The following SLC35F3 variants were observed in gnomAD, a reference collection of about 807,000 sequenced individuals.
The protein encoded by SLC35F3 is solute carrier family 35 member F3, also known as putative thiamine transporter SLC35F3.
Under a neutral mutation model 49.9 loss-of-function variants are expected in SLC35F3, and 25 were observed. That is an observed-to-expected ratio of 0.50 (90% CI 0.37 to 0.70). The LOEUF is 0.70. Ranked by LOEUF, SLC35F3 falls within the 30% of genes least tolerant of loss-of-function variation. The pLI is 0.00. For synonymous variants in SLC35F3, 275 were observed against 265.4 expected (o/e 1.04, Z -0.35); for missense variants, 525 against 639.8 (o/e 0.82, Z 1.94).
chr1:234,264,902 T>G (rs534837519), intron 3 of SLC35F3, among the ~76,000 whole-genome samples: 1 of 152,350 alleles, frequency 6.6e-6, no homozygotes, highest in Non-Finnish European at 1.5e-5. Context: ...ATTGTTTACC[T>G]GGGACACTGA....
chr1:234,074,192 T>A (rs1057337986), intron 2 of SLC35F3, among the ~76,000 whole-genome samples: 2 of 152,178 alleles, frequency 1.3e-5, no homozygotes, highest in Non-Finnish European at 2.9e-5. Flanking sequence ...AAAATGTACG[T>A]CAAGGTCACG....
At chr1:234,300,782 G>A (rs1322327133) in intron 3 of SLC35F3, among the ~76,000 whole-genome samples, 2 of 152,246 alleles carry the variant, frequency 1.3e-5, no homozygotes, top group Non-Finnish European at 2.9e-5. Context: ...ATCTCTCTGA[G>A]TGTAGTGTGG....
chr1:233,926,127 C>T (rs528221324), intron 2 of SLC35F3, among the ~76,000 whole-genome samples: 4 of 152,158 alleles, frequency 2.6e-5, no homozygotes, highest in African/African-American at 9.6e-5. Flanking sequence ...TTGCTCTTCT[C>T]GAGGAGTATC....
chr1:234,305,235 G>A lies in SLC35F3; in HGVS notation c.609-3866G>A, dbSNP rs186240070. On this transcript the variant is annotated intron_variant, in intron 3 of 7. Transcript: ENST00000366618. ...AAGTCAAGACAGGCTATCCCAGCTA[G>A]GATTCTTTAAAGAGTACTAAGAACA... Among the ~76,000 whole-genome samples the A allele has an allele frequency of 8.5e-5, 13 of 152,218 alleles. No individual in the cohort carries two copies. In the East Asian group the frequency reaches 2.5e-3, roughly 29 times the overall value.
intron 2 of SLC35F3, among the ~76,000 whole-genome samples, chr1:234,158,489 C>T (rs1666183307): frequency 6.6e-6 from 1 of 152,016 alleles, no homozygotes; most frequent in Non-Finnish European, 1.5e-5. Flanking sequence ...TACTTTCTGC[C>T]ACATATTTTT....
chr1:234,070,283 G>A (rs1481191852), intron 2 of SLC35F3, among the ~76,000 whole-genome samples: 1 of 152,150 alleles, frequency 6.6e-6, no homozygotes, highest in Non-Finnish European at 1.5e-5. Context: ...TCTAGTGGGT[G>A]AATATGATGA....
intron 2 of SLC35F3, among the ~76,000 whole-genome samples, chr1:234,205,172 T>C (rs570442052): frequency 1.2e-4 from 19 of 152,340 alleles, no homozygotes; most frequent in African/African-American, 4.6e-4. Flanking sequence ...GTGCAAAATT[T>C]TCACTCCCAT....
At chr1:234,097,554 G>A (rs997161859) in intron 2 of SLC35F3, among the ~76,000 whole-genome samples, 6 of 151,984 alleles carry the variant, frequency 3.9e-5, no homozygotes, top group Non-Finnish European at 7.4e-5. Flanking sequence ...GCACACACAC[G>A]CACACACGCA....
At chr1:233,966,148 C>T (rs764313982) in intron 2 of SLC35F3, among the ~76,000 whole-genome samples, 1 of 152,046 alleles carries the variant, frequency 6.6e-6, no homozygotes, top group Non-Finnish European at 1.5e-5. Flanking sequence ...AGGTTGTTAG[C>T]AGCCAGCAGA....
At chr1:234,181,064 G>A (rs914717203) in intron 2 of SLC35F3, among the ~76,000 whole-genome samples, 13 of 152,032 alleles carry the variant, frequency 8.6e-5, no homozygotes, top group Admixed American at 3.9e-4. Flanking sequence ...GGCCAGGCGC[G>A]GTGGCTGGAT....
intron 2 of SLC35F3, among the ~76,000 whole-genome samples, chr1:234,108,731 ATATATCTTTTATATATAAAAGATATATAT>A (rs1216002898): frequency 2.2e-5 from 1 of 45,200 alleles, no homozygotes; most frequent in Non-Finnish European, 4.4e-5. Context: ...ATATAAATAT[ATATATCTTTTATATATAAAAGATATATAT>A]AAATATATAT....
At chr1:234,142,759 A>G (rs1665937371) in intron 2 of SLC35F3, among the ~76,000 whole-genome samples, 1 of 152,008 alleles carries the variant, frequency 6.6e-6, no homozygotes, top group South Asian at 2.1e-4. Flanking sequence ...CCCTTTTCCC[A>G]TAGAGTTGGT....
At chr1:234,124,004 A>G (rs1291441987) in intron 2 of SLC35F3, among the ~76,000 whole-genome samples, 1 of 152,188 alleles carries the variant, frequency 6.6e-6, no homozygotes, top group East Asian at 1.9e-4. Flanking sequence ...TATCTCAGAC[A>G]CACTCTCTGA....
At chr1:234,033,855 A>G (rs887204915) in intron 2 of SLC35F3, among the ~76,000 whole-genome samples, 1 of 152,190 alleles carries the variant, frequency 6.6e-6, no homozygotes, top group Non-Finnish European at 1.5e-5. Context: ...TTTTGGTTCC[A>G]TATGAACTTT....
intron 2 of SLC35F3, among the ~76,000 whole-genome samples, chr1:234,051,077 C>T (rs1431653966): frequency 2.0e-5 from 3 of 152,170 alleles, no homozygotes; most frequent in Non-Finnish European, 4.4e-5. Context: ...AGCGTGATGC[C>T]TCCAGGTTTG....
intron 2 of SLC35F3, among the ~76,000 whole-genome samples, chr1:234,223,779 A>T (rs1667243918): frequency 6.6e-6 from 1 of 152,132 alleles, no homozygotes; most frequent in African/African-American, 2.4e-5. Flanking sequence ...CCATAACAAC[A>T]TATCATAGCT....
intron 3 of SLC35F3, among the ~76,000 whole-genome samples, chr1:234,271,133 G>C (rs1393713527): frequency 6.6e-6 from 1 of 152,144 alleles, no homozygotes; most frequent in African/African-American, 2.4e-5. Context: ...CAAATCATAG[G>C]CTTTCTAAAA....
intron 2 of SLC35F3, among the ~76,000 whole-genome samples, chr1:233,942,869 C>G: frequency 6.6e-6 from 1 of 152,202 alleles, no homozygotes; most frequent in East Asian, 1.9e-4. Flanking sequence ...CTCCCTCTCC[C>G]CAGCCCCTGG....
At chr1:233,932,799 T>C (rs1198916795) in intron 2 of SLC35F3, among the ~76,000 whole-genome samples, 10 of 152,212 alleles carry the variant, frequency 6.6e-5, no homozygotes, top group Non-Finnish European at 1.3e-4. Flanking sequence ...GATGGTGTTG[T>C]TCCATTAGTC....
Sources: gnomAD v4.1 joint callset for allele counts (sites outside exome capture counted in the v4.1 genomes callset) on GRCh38, gnomAD v4.1.1 for gene constraint, MANE v1.5 for transcripts, NCBI Gene and HGNC (gene_info 2026-07-23, HGNC 2026-07-21) for gene names.